ZNF423: variants seen among roughly 807,000 people sequenced by gnomAD.
The protein encoded by ZNF423 is zinc finger protein 423, also known as Ebf-associated zinc finger protein.
A neutral mutation model predicts 95.8 loss-of-function variants in ZNF423; 12 were observed. The observed-to-expected ratio is 0.13, with a 90% CI of 0.08 to 0.20. The LOEUF (loss-of-function observed/expected upper bound fraction) is 0.20, where lower values mean the gene tolerates loss of function less well. Among genes scored for constraint, ZNF423 ranks in the 10% least tolerant of loss-of-function variants. ZNF423 has a pLI of 1.00. For synonymous variants in ZNF423, 749 were observed against 711.9 expected, an observed-to-expected ratio of 1.05 and a Z score of -0.83; for missense variants, 1,316 against 1,737.1, an observed-to-expected ratio of 0.76 and a Z score of 4.31.
chr16:49,705,794 C>G (rs1326375451), intron 3 of ZNF423, among the ~76,000 whole-genome samples: 2 of 152,202 alleles, frequency 1.3e-5, no homozygotes, highest in Non-Finnish European at 2.9e-5. Context: ...GTGACCCACC[C>G]ACCTTGGCCT....
intron 1 of ZNF423, among the ~76,000 whole-genome samples, chr16:49,850,660 A>C (rs1444439855): frequency 1.3e-5 from 2 of 152,130 alleles, no homozygotes; most frequent in Non-Finnish European, 1.5e-5. Flanking sequence ...AACTAAACGC[A>C]CCCACCACCT....
chr16:49,681,792 G>T (rs184450639), intron 3 of ZNF423, among the ~76,000 whole-genome samples: 101 of 152,098 alleles, frequency 6.6e-4, no homozygotes, highest in African/African-American at 2.4e-3. Context: ...TTAAGACAGG[G>T]ACTTGCTCTG....
intron 3 of ZNF423, among the ~76,000 whole-genome samples, chr16:49,691,246 C>T (rs540915536): frequency 8.3e-4 from 127 of 152,342 alleles, no homozygotes; most frequent in South Asian, 4.6e-3. Context: ...CTTCTATGCC[C>T]CCTCCCAGTT....
At chr16:49,565,108 G>A (rs904368802) in intron 5 of ZNF423, among the ~76,000 whole-genome samples, 2 of 152,190 alleles carry the variant, frequency 1.3e-5, no homozygotes, top group Non-Finnish European at 2.9e-5. Context: ...TCATTCTGGG[G>A]CTGGTTGCTG....
intron 5 of ZNF423, among the ~76,000 whole-genome samples, chr16:49,527,297 A>C (rs1424310431): frequency 1.3e-5 from 2 of 152,206 alleles, no homozygotes; most frequent in African/African-American, 4.8e-5. Flanking sequence ...ACTCAAACAG[A>C]TCTTCCATTT....
At chr16:49,544,262 C>T (rs1375261508) in intron 5 of ZNF423, among the ~76,000 whole-genome samples, 1 of 152,170 alleles carries the variant, frequency 6.6e-6, no homozygotes, top group Non-Finnish European at 1.5e-5. Context: ...GGAAGGAGTG[C>T]AGGGAGCTAC....
intron 3 of ZNF423, among the ~76,000 whole-genome samples, chr16:49,709,485 C>T (rs900528697): frequency 1.3e-5 from 2 of 152,240 alleles, no homozygotes; most frequent in South Asian, 2.1e-4. Context: ...GGTATGGAAA[C>T]GAGACCATGG....
At chr16:49,538,455 A>C (rs953151187) in intron 5 of ZNF423, among the ~76,000 whole-genome samples, 2 of 152,118 alleles carry the variant, frequency 1.3e-5, no homozygotes, top group Non-Finnish European at 2.9e-5. Context: ...GCCCCACCTC[A>C]TCATGACTGC....
chr16:49,845,396 C>T (rs1323305568), intron 1 of ZNF423, among the ~76,000 whole-genome samples: 1 of 151,670 alleles, frequency 6.6e-6, no homozygotes, highest in Non-Finnish European at 1.5e-5. Context: ...TGAGCCACTG[C>T]GCCCAGCAAT....
chr16:49,504,450 C>T (rs554322097), intron 7 of ZNF423, among the ~76,000 whole-genome samples: 17 of 152,190 alleles, frequency 1.1e-4, no homozygotes, highest in African/African-American at 1.9e-4. Context: ...GGCATGGCAG[C>T]GTGTGTCTGT....
At chr16:49,542,720 C>G (rs1235855905) in intron 5 of ZNF423, among the ~76,000 whole-genome samples, 2 of 152,182 alleles carry the variant, frequency 1.3e-5, no homozygotes, top group Non-Finnish European at 2.9e-5. Flanking sequence ...CCCAGCCCAC[C>G]CTGGGGAGGA....
intron 5 of ZNF423, among the ~76,000 whole-genome samples, chr16:49,542,541 A>G (rs1362630): frequency 0.27 from 40,934 of 152,200 alleles, 6,317 homozygotes; most frequent in African/African-American, 0.43. Context: ...CTGCTGTGAC[A>G]CATGGCCAGA....
At chr16:49,750,424 G>A (rs1280533401) in intron 2 of ZNF423, among the ~76,000 whole-genome samples, 1 of 152,228 alleles carries the variant, frequency 6.6e-6, no homozygotes, top group Non-Finnish European at 1.5e-5. Flanking sequence ...TTTCTGGGAA[G>A]CAGACTCCTC....
Position 49,638,421 on chromosome 16 carries a change from T to G in ZNF423, c.755A>C (p.His252Pro). Reference sequence around the variant, plus strand: ...GGCCAGATGCTCCTTGTTCTTTTTGTGGGCCTGCATGTGGCTCTGCAGCGA... The same window carrying G: ...GGCCAGATGCTCCTTGTTCTTTTTGGGGGCCTGCATGTGGCTCTGCAGCGA... ...TSSLQSHMQA[H>P]KKNKEHLAKS... Residue 252 changes from histidine to proline, a missense_variant, in exon 4 of 8, where the codon CAC becomes CCC. By Grantham distance (77) the His-to-Pro change is moderately conservative. Around this residue, in one of 6 missense-constraint regions of ZNF423, gnomAD observed 399 missense variants for 478.5 expected, o/e 0.83. Transcript: ENST00000563137. The surrounding 1 kb of genome is among the most constrained non-coding windows in gnomAD (Gnocchi z 5.6). The G allele has an allele frequency of 6.2e-7, 1 of 1,613,938 alleles. No homozygotes were observed. Among genetic ancestry groups the G allele is most frequent in the Non-Finnish European group, 8.5e-7 (1 of 1,180,042 alleles).
chr16:49,743,885 G>A (rs778848814), intron 2 of ZNF423, among the ~76,000 whole-genome samples: 1 of 152,200 alleles, frequency 6.6e-6, no homozygotes, highest in Non-Finnish European at 1.5e-5. Flanking sequence ...CAGGGAATAC[G>A]GAAGTGGCGC....
chr16:49,702,492 C>A (rs1162426587), intron 3 of ZNF423, among the ~76,000 whole-genome samples: 1 of 152,180 alleles, frequency 6.6e-6, no homozygotes, highest in Non-Finnish European at 1.5e-5. Context: ...CTTGAGGCGA[C>A]CTCACTGATC....
intron 1 of ZNF423, among the ~76,000 whole-genome samples, chr16:49,829,561 G>A (rs1471574687): frequency 6.6e-6 from 1 of 152,182 alleles, no homozygotes; most frequent in Non-Finnish European, 1.5e-5. Context: ...GTTGCCCCCT[G>A]GCTTCAGCGG....
intron 3 of ZNF423, among the ~76,000 whole-genome samples, chr16:49,645,725 C>A (rs1460031380): frequency 6.6e-6 from 1 of 152,192 alleles, no homozygotes; most frequent in Non-Finnish European, 1.5e-5. Flanking sequence ...CCATAATCCC[C>A]ACTTGTGGTG....
At chr16:49,696,258 G>C (rs530517344) in intron 3 of ZNF423, among the ~76,000 whole-genome samples, 1 of 152,332 alleles carries the variant, frequency 6.6e-6, no homozygotes, top group South Asian at 2.1e-4. Flanking sequence ...TCATTGCGAT[G>C]GTGGGGGGTG....
Sources: allele counts gnomAD v4.1 joint callset (sites outside exome capture counted in the v4.1 genomes callset), GRCh38; gene constraint gnomAD v4.1.1; regional missense constraint gnomAD v4.1.1; non-coding constraint Gnocchi (gnomAD v3.1); transcripts MANE v1.5; gene names NCBI Gene and HGNC (gene_info 2026-07-23, HGNC 2026-07-21).